Variants in CCDC178 observed in about 807,000 individuals in gnomAD.
The protein encoded by CCDC178 is coiled-coil domain-containing protein 178.
CCDC178 carries 126 observed loss-of-function variants against 117.4 expected under a neutral mutation model. The ratio of observed to expected loss-of-function variants is 1.07; its 90% CI spans 0.93 to 1.24. CCDC178 has a LOEUF of 1.24. CCDC178 is among the 50% of genes most tolerant of loss of function. The pLI is 0.00. For synonymous variants in CCDC178, 283 were observed against 313.4 expected, an observed-to-expected ratio of 0.90 and a Z score of 1.02; for missense variants, 1,030 against 986.9, an observed-to-expected ratio of 1.04 and a Z score of -0.59.
At chr18:33,314,794 T>C (rs1268444991) in intron 11 of CCDC178, among the ~76,000 whole-genome samples, 2 of 152,126 alleles carry the variant, frequency 1.3e-5, no homozygotes, top group Non-Finnish European at 2.9e-5. Context: ...TAACTCTGCC[T>C]TAATGTTACC....
chr18:33,139,280 T>C (rs557517712), intron 20 of CCDC178, among the ~76,000 whole-genome samples: 3 of 152,254 alleles, frequency 2.0e-5, no homozygotes, highest in East Asian at 3.9e-4. Context: ...ATACAGTAAA[T>C]TGATACCAGT....
intron 20 of CCDC178, among the ~76,000 whole-genome samples, chr18:33,096,116 A>C (rs1175508258): frequency 2.5e-4 from 35 of 140,102 alleles, no homozygotes; most frequent in African/African-American, 6.4e-4. Flanking sequence ...TCTACTCCCC[A>C]CCCCCCCCAC....
intron 20 of CCDC178, among the ~76,000 whole-genome samples, chr18:33,201,024 A>T (rs1326471857): frequency 1.3e-5 from 2 of 152,204 alleles, no homozygotes; most frequent in African/African-American, 4.8e-5. Flanking sequence ...GAGTTGCGTC[A>T]CTTCATTTGG....
chr18:33,353,424 A>G (rs2063005702), intron 7 of CCDC178, among the ~76,000 whole-genome samples: 1 of 151,968 alleles, frequency 6.6e-6, no homozygotes, highest in Admixed American at 6.6e-5. Context: ...TAAGGAAGGG[A>G]TTATTTTTGC....
At chr18:33,388,806 C>T (rs1184217784) in intron 5 of CCDC178, among the ~76,000 whole-genome samples, 1 of 151,934 alleles carries the variant, frequency 6.6e-6, no homozygotes, top group East Asian at 1.9e-4. Flanking sequence ...TATTATACAG[C>T]CATAAAAAGG....
At chr18:33,238,934 G>A (rs182766246) in intron 15 of CCDC178, among the ~76,000 whole-genome samples, 1 of 152,064 alleles carries the variant, frequency 6.6e-6, no homozygotes, top group Non-Finnish European at 1.5e-5. Flanking sequence ...GGATTTGCCA[G>A]GAGAAATCTT....
At chr18:33,079,786 C>T (rs2057268732) in intron 21 of CCDC178, among the ~76,000 whole-genome samples, 1 of 152,214 alleles carries the variant, frequency 6.6e-6, no homozygotes, top group African/African-American at 2.4e-5. Flanking sequence ...AACAGATGCT[C>T]ATGAGGTTGT....
Position 33,304,120 on chromosome 18 carries a change from A to G in CCDC178, c.1023-10808T>C, listed in dbSNP as rs2062217375. On this transcript the variant is annotated intron_variant, in intron 11 of 22. Transcript: ENST00000383096. ...GTAGCAACAGGAGCCTGCATTGGCT[A>G]TCCGTTGCTGCATAAAAAGTATAAC... 2.0e-5 allele frequency among the ~76,000 whole-genome samples: 3 copies of G among 152,210 alleles called. No homozygotes were observed. In the South Asian group the frequency reaches 6.2e-4, roughly 32 times the overall value.
At chr18:33,065,861 CTT>C (rs113727763) in intron 21 of CCDC178, among the ~76,000 whole-genome samples, 40 of 130,188 alleles carry the variant, frequency 3.1e-4, no homozygotes, top group African/African-American at 4.7e-4. Flanking sequence ...AGTTCTTTTT[CTT>C]TTTTTTTTTT....
intron 21 of CCDC178, among the ~76,000 whole-genome samples, chr18:33,005,931 G>A (rs2055739176): frequency 1.3e-5 from 2 of 151,998 alleles, no homozygotes; most frequent in South Asian, 4.1e-4. Context: ...AAATGATTCT[G>A]ATGCCTTTCC....
intron 22 of CCDC178, among the ~76,000 whole-genome samples, chr18:32,945,970 G>A (rs757591367): frequency 4.0e-5 from 6 of 151,762 alleles, no homozygotes; most frequent in Non-Finnish European, 7.4e-5. Context: ...CTTTCTTTAT[G>A]TTAAAAGCTT....
rs76322732 is a variant in CCDC178 at position 33,222,236 on chromosome 18, C to T, written c.1932+870G>A. ...CCTTCCTCCCTCCCTTCCTTTCTTC[C>T]TTCCTTCCCTCCCTCCCTCCTTTCC... On this transcript the variant is annotated intron_variant, in intron 18 of 22. Transcript: ENST00000383096. 2.3e-3 allele frequency among the ~76,000 whole-genome samples: 344 copies of T among 149,906 alleles called. 1 individual carries two copies. Among genetic ancestry groups the T allele is most frequent in the African/African-American group, 7.4e-3 (302 of 40,868 alleles).
At chr18:32,984,821 T>C (rs1005424222) in intron 21 of CCDC178, among the ~76,000 whole-genome samples, 1 of 151,982 alleles carries the variant, frequency 6.6e-6, no homozygotes, top group East Asian at 1.9e-4. Context: ...CTGTCAAACA[T>C]AGAGATGAAC....
At chr18:33,032,685 T>C (rs1032298287) in intron 21 of CCDC178, among the ~76,000 whole-genome samples, 1 of 152,092 alleles carries the variant, frequency 6.6e-6, no homozygotes, top group Non-Finnish European at 1.5e-5. Flanking sequence ...AAGACCTTCA[T>C]ATGCAAAGAG....
At chr18:33,105,028 A>C (rs2057686170) in intron 20 of CCDC178, among the ~76,000 whole-genome samples, 1 of 151,702 alleles carries the variant, frequency 6.6e-6, no homozygotes, top group Admixed American at 6.6e-5. Context: ...ATACGAAGAG[A>C]AGTAGAGGCT....
At chr18:33,293,792 GTAAA>G (rs1488730435) in intron 11 of CCDC178, among the ~76,000 whole-genome samples, 1 of 152,132 alleles carries the variant, frequency 6.6e-6, no homozygotes, top group East Asian at 1.9e-4. Flanking sequence ...TAGATGTTAA[GTAAA>G]TAGTGAGGAA....
chr18:33,259,896 GA>G (rs1234121812), intron 14 of CCDC178, among the ~76,000 whole-genome samples: 8 of 152,008 alleles, frequency 5.3e-5, no homozygotes, highest in Non-Finnish European at 8.8e-5. Context: ...ATTTTAGTTG[GA>G]CTGAATTAAC....
chr18:33,281,642 TA>T (rs952248778), intron 12 of CCDC178, among the ~76,000 whole-genome samples: 6 of 152,160 alleles, frequency 3.9e-5, no homozygotes, highest in African/African-American at 1.4e-4. Context: ...GATGTCTTCT[TA>T]AAAGTGAATG....
chr18:33,043,101 C>T lies in CCDC178; in HGVS notation c.2388+49660G>A, dbSNP rs115190493. Among the ~76,000 whole-genome samples, 1,516 of 151,934 alleles carry T rather than the reference C, an allele frequency of 1.0e-2. 30 individuals are homozygous for T. The highest frequency in any genetic ancestry group is 0.035 in the African/African-American group (1,457 of 41,486). ...TGAAGAAAATACTGAATGAATATTGCTATGTTAAATAAAAGACTACAATCA... is the reference window on the plus strand; with the variant it reads ...TGAAGAAAATACTGAATGAATATTGTTATGTTAAATAAAAGACTACAATCA... On this transcript the variant is annotated intron_variant, in intron 21 of 22. Transcript: ENST00000383096.
Sources: gnomAD v4.1 joint callset for allele counts (sites outside exome capture counted in the v4.1 genomes callset) on GRCh38, gnomAD v4.1.1 for gene constraint, MANE v1.5 for transcripts, NCBI Gene and HGNC (gene_info 2026-07-23, HGNC 2026-07-21) for gene names.